Variants in NRXN3 observed in about 807,000 individuals in gnomAD.
NRXN3 encodes the protein neurexin III.
In NRXN3, 32 loss-of-function variants were observed where a neutral mutation model predicts 137.6. The ratio of observed to expected loss-of-function variants is 0.23; its 90% CI spans 0.18 to 0.31. The LOEUF (loss-of-function observed/expected upper bound fraction) is 0.31, where lower values mean the gene tolerates loss of function less well. Among genes scored for constraint, NRXN3 ranks in the 10% least tolerant of loss-of-function variants. The pLI is 1.00. For synonymous variants in NRXN3, 798 were observed against 784.5 expected (o/e 1.02, Z -0.29); for missense variants, 1,574 against 2,062.5 (o/e 0.76, Z 4.59).
At chr14:78,557,255 A>G (rs951092102) in intron 4 of NRXN3, among the ~76,000 whole-genome samples, 58 of 143,080 alleles carry the variant, frequency 4.1e-4, no homozygotes, top group Admixed American at 1.0e-3. Context: ...CAGTCTCCCC[A>G]TGTTGCTCAG....
intron 4 of NRXN3, among the ~76,000 whole-genome samples, chr14:78,490,419 T>C (rs2095645662): frequency 6.6e-6 from 1 of 152,176 alleles, no homozygotes; most frequent in Non-Finnish European, 1.5e-5. Context: ...ATTCTGAATA[T>C]GCTGAAGAGC....
chr14:79,609,706 A>T (rs934864976), intron 16 of NRXN3, among the ~76,000 whole-genome samples: 1 of 152,204 alleles, frequency 6.6e-6, no homozygotes, highest in South Asian at 2.1e-4. Context: ...CAGTCATCAC[A>T]TATTGATTGT....
At chr14:78,674,475 T>A (rs1246417099) in intron 6 of NRXN3, among the ~76,000 whole-genome samples, 2 of 152,206 alleles carry the variant, frequency 1.3e-5, no homozygotes, top group Non-Finnish European at 2.9e-5. Flanking sequence ...CTTCTTCAAA[T>A]GAATCATTGG....
Position 78,556,823 on chromosome 14 carries a change from T to C in NRXN3, c.758-88297T>C, listed in dbSNP as rs571803961. ...CATTGGGCTTCTCCCTAGCAGTTGA[T>C]GGTAAAAAAAAAATACATCTAGGAG... is the stretch of plus-strand genomic sequence containing the variant. On this transcript the variant is annotated intron_variant, in intron 4 of 20. Coordinates refer to ENST00000335750, the MANE Select transcript of NRXN3 (RefSeq NM_001330195.2). Among the ~76,000 whole-genome samples, 368 of 151,498 alleles carry C rather than the reference T, an allele frequency of 2.4e-3. 3 individuals are homozygous for C. Among genetic ancestry groups the C allele is most frequent in the African/African-American group, 8.7e-3 (360 of 41,310 alleles).
intron 6 of NRXN3, among the ~76,000 whole-genome samples, chr14:78,675,614 G>A (rs1014629297): frequency 6.6e-6 from 1 of 152,164 alleles, no homozygotes; most frequent in African/African-American, 2.4e-5. Flanking sequence ...GAAATTACAG[G>A]ATCAAATAAA....
chr14:78,210,843 T>C (rs148337684), intron 1 of NRXN3, among the ~76,000 whole-genome samples: 1 of 151,516 alleles, frequency 6.6e-6, no homozygotes, highest in Non-Finnish European at 1.5e-5. Flanking sequence ...GATTTTATTG[T>C]CGAGCAAATC....
intron 19 of NRXN3, among the ~76,000 whole-genome samples, chr14:79,708,485 T>A (rs1424491787): frequency 7.0e-6 from 1 of 142,068 alleles, no homozygotes; most frequent in African/African-American, 2.7e-5. Flanking sequence ...CAATTTAAAC[T>A]GAGGTAAGAA....
At chr14:79,261,856 T>C (rs933864153) in intron 15 of NRXN3, among the ~76,000 whole-genome samples, 1 of 152,034 alleles carries the variant, frequency 6.6e-6, no homozygotes, top group Non-Finnish European at 1.5e-5. Flanking sequence ...TCTGGGACTT[T>C]GAGAATTTGG....
intron 6 of NRXN3, among the ~76,000 whole-genome samples, chr14:78,706,215 A>G (rs1029585707): frequency 2.0e-5 from 3 of 152,248 alleles, no homozygotes; most frequent in Non-Finnish European, 4.4e-5. Context: ...CCAAATGCAG[A>G]AAAAGCCAAA....
At chr14:78,372,111 T>C (rs79097144) in intron 4 of NRXN3, among the ~76,000 whole-genome samples, 1 of 150,112 alleles carries the variant, frequency 6.7e-6, no homozygotes, top group East Asian at 1.9e-4. Flanking sequence ...ATTTTCTTTC[T>C]TTTTTTTTAA....
intron 4 of NRXN3, among the ~76,000 whole-genome samples, chr14:78,567,270 A>C (rs2096844785): frequency 1.3e-5 from 2 of 152,362 alleles, no homozygotes; most frequent in South Asian, 4.1e-4. Flanking sequence ...AATATTGCCC[A>C]TTAATGGGCA....
chr14:78,196,038 C>A (rs2061195369), intron 1 of NRXN3, among the ~76,000 whole-genome samples: 1 of 152,206 alleles, frequency 6.6e-6, no homozygotes, highest in Admixed American at 6.5e-5. Flanking sequence ...CTTGTCACCA[C>A]AACATAGGAT....
At chr14:79,197,252 G>T (rs1298902928) in intron 15 of NRXN3, among the ~76,000 whole-genome samples, 4 of 152,194 alleles carry the variant, frequency 2.6e-5, no homozygotes, top group African/African-American at 7.2e-5. Flanking sequence ...GTAGTCAGGG[G>T]ATGAGGTCAA....
intron 4 of NRXN3, among the ~76,000 whole-genome samples, chr14:78,404,751 G>T (rs2092371437): frequency 6.6e-6 from 1 of 152,160 alleles, no homozygotes; most frequent in Non-Finnish European, 1.5e-5. Context: ...GATAAGCTCG[G>T]ATTGATATTC....
intron 19 of NRXN3, among the ~76,000 whole-genome samples, chr14:79,760,075 A>G (rs1378831506): frequency 6.6e-6 from 1 of 151,652 alleles, no homozygotes; most frequent in Non-Finnish European, 1.5e-5. Context: ...TATATATACT[A>G]TGTGTGTGCA....
At chr14:79,685,192 T>C (rs1182997642) in intron 17 of NRXN3, among the ~76,000 whole-genome samples, 1 of 152,164 alleles carries the variant, frequency 6.6e-6, no homozygotes, top group Non-Finnish European at 1.5e-5. Flanking sequence ...TATTGAGGGA[T>C]TATTTTGTGC....
rs773358702 is a variant in NRXN3, at chr14:78,489,303, C to G, written c.758-155817C>G. Among the ~76,000 whole-genome samples the G allele has an allele frequency of 5.3e-5, 8 of 152,294 alleles. No individual in the cohort carries two copies. The South Asian group carries it at 8.3e-4, about 16-fold the overall frequency. ...TTTGCTGTCAGGTTGTTCATCTCCA[C>G]GCCTCTGTGAGATATTATTGAAACA... On this transcript the variant is annotated intron_variant, in intron 4 of 20. Coordinates refer to ENST00000335750, the MANE Select transcript of NRXN3 (RefSeq NM_001330195.2).
intron 4 of NRXN3, among the ~76,000 whole-genome samples, chr14:78,618,467 T>A (rs2097367887): frequency 6.6e-6 from 1 of 152,196 alleles, no homozygotes; most frequent in South Asian, 2.1e-4. Flanking sequence ...GCCTGAAGTG[T>A]GCTGGAAGTT....
At chr14:78,403,587 C>A in intron 4 of NRXN3, 1 of 339,808 alleles carries the variant, frequency 2.9e-6, no homozygotes, top group Admixed American at 6.4e-5. Context: ...ACACCCTGTC[C>A]CGGGCCCCAG....
Sources: allele counts gnomAD v4.1 joint callset (sites outside exome capture counted in the v4.1 genomes callset), GRCh38; gene constraint gnomAD v4.1.1; transcripts MANE v1.5; gene names NCBI Gene and HGNC (gene_info 2026-07-23, HGNC 2026-07-21).